CD1B: variants seen among roughly 807,000 people sequenced by gnomAD.
CD1B encodes CD1b molecule.
CD1B carries 43 observed loss-of-function variants against 39.8 expected under a neutral mutation model. That is an observed-to-expected ratio of 1.08 (90% CI 0.85 to 1.39). The LOEUF is 1.39. CD1B is among the 40% of genes most tolerant of loss of function. The pLI, the probability that CD1B is intolerant of heterozygous loss-of-function variation, is 0.00. For synonymous variants in CD1B, 192 were observed against 152.5 expected, an observed-to-expected ratio of 1.26 and a Z score of -1.91; for missense variants, 495 against 403.8, an observed-to-expected ratio of 1.23 and a Z score of -1.94.
the CD1B span, among the ~76,000 whole-genome samples, chr1:158,317,490 C>T: frequency 4.6e-5 from 7 of 152,088 alleles, no homozygotes; most frequent in East Asian, 1.9e-4. Context: ...TTTGTATTTC[C>T]GTGGGATCGG....
At chr1:158,318,622 G>T in the CD1B span, among the ~76,000 whole-genome samples, 1 of 152,046 alleles carries the variant, frequency 6.6e-6, no homozygotes, top group Non-Finnish European at 1.5e-5. Flanking sequence ...TATCCAATTT[G>T]CCAGTCTGTG....
the CD1B span, among the ~76,000 whole-genome samples, chr1:158,305,155 T>C: frequency 6.6e-6 from 1 of 151,954 alleles, no homozygotes; most frequent in African/African-American, 2.4e-5. Context: ...AAAGAGGAAG[T>C]TCGAACTCAT....
At chr1:158,297,286 G>A in the CD1B span, among the ~76,000 whole-genome samples, 1 of 152,278 alleles carries the variant, frequency 6.6e-6, no homozygotes. Context: ...AGAAGACATT[G>A]AGGGCCTATA....
chr1:158,299,013 C>G, the CD1B span, among the ~76,000 whole-genome samples: 1 of 152,162 alleles, frequency 6.6e-6, no homozygotes, highest in African/African-American at 2.4e-5. Flanking sequence ...TTATTTCTTT[C>G]TCTTGCCTGA....
the CD1B span, among the ~76,000 whole-genome samples, chr1:158,310,803 CA>C: frequency 6.6e-6 from 1 of 151,934 alleles, no homozygotes; most frequent in Non-Finnish European, 1.5e-5. Context: ...ATTAAAATGT[CA>C]AAAAAGTAAC....
chr1:158,323,508 GT>G (rs1341098449), downstream of CD1B, among the ~76,000 whole-genome samples: 1 of 152,120 alleles, frequency 6.6e-6, no homozygotes, highest in Non-Finnish European at 1.5e-5. Flanking sequence ...TGTTTTGTCT[GT>G]TTGGTGAGGT....
the CD1B span, among the ~76,000 whole-genome samples, chr1:158,301,971 T>C: frequency 6.6e-6 from 1 of 151,814 alleles, no homozygotes. Context: ...ATATGCAGAA[T>C]ACACCTGTCT....
At chr1:158,289,368 T>C in the CD1B span, among the ~76,000 whole-genome samples, 1 of 152,198 alleles carries the variant, frequency 6.6e-6, no homozygotes, top group Non-Finnish European at 1.5e-5. Flanking sequence ...TTTATATTTG[T>C]TATGGTCCTA....
chr1:158,328,961 G>T lies in CD1B; in HGVS notation c.940C>A (p.Leu314Ile). ...CATAATGCAAGGCATAGCAAAAGGA[G>T]CAAGGAAGGCACTATTATTGCCAAA... is the stretch of plus-strand genomic sequence containing the variant. Reference protein sequence around the residue: ...IVLAIIVPSLLLLLCLALWYM... With the variant: ...IVLAIIVPSLILLLCLALWYM... The change falls in exon 5 of 6, where the codon CTC (leucine) becomes ATC (isoleucine). Residue 314 changes from leucine (L) to isoleucine (I), a missense_variant. By Grantham distance (5) the Leu-to-Ile change is conservative. Coordinates refer to ENST00000368168, the MANE Select transcript of CD1B (RefSeq NM_001764.3). 5 of 1,613,758 alleles carry T rather than the reference G, an allele frequency of 3.1e-6. No homozygotes were observed. The highest frequency in any genetic ancestry group is 4.2e-6 in the Non-Finnish European group (5 of 1,179,904).
the CD1B span, among the ~76,000 whole-genome samples, chr1:158,305,365 G>A: frequency 6.6e-6 from 1 of 151,152 alleles, no homozygotes; most frequent in Admixed American, 6.6e-5. Context: ...ATGAAACGAA[G>A]TGAGAAGTTT....
downstream of CD1B, among the ~76,000 whole-genome samples, chr1:158,325,092 C>A (rs1475473376): frequency 4.0e-5 from 6 of 151,188 alleles, no homozygotes; most frequent in South Asian, 2.1e-4. Context: ...ACCTTGATTC[C>A]ATCAAGGTAA....
At chr1:158,293,175 T>G in the CD1B span, 1 of 1,495,054 alleles carries the variant, frequency 6.7e-7, no homozygotes, top group Non-Finnish European at 9.3e-7. Flanking sequence ...AGCAGTGAGT[T>G]TAAAATGGCA....
At chr1:158,306,017 C>G in the CD1B span, among the ~76,000 whole-genome samples, 1 of 152,174 alleles carries the variant, frequency 6.6e-6, no homozygotes, top group African/African-American at 2.4e-5. Flanking sequence ...GAAGAAACTG[C>G]ATCAACTAAT....
the CD1B span, among the ~76,000 whole-genome samples, chr1:158,290,372 C>T: frequency 2.0e-5 from 3 of 152,188 alleles, no homozygotes; most frequent in South Asian, 2.1e-4. Flanking sequence ...CTCCATTTTC[C>T]GTTAAAACAA....
chr1:158,314,565 C>T, the CD1B span, among the ~76,000 whole-genome samples: 31 of 152,140 alleles, frequency 2.0e-4, no homozygotes, highest in South Asian at 6.2e-4. Context: ...AATCTTTCTA[C>T]TTTTTAAATG....
the CD1B span, among the ~76,000 whole-genome samples, chr1:158,316,827 G>A: frequency 1.8e-4 from 28 of 151,924 alleles, no homozygotes; most frequent in East Asian, 2.1e-3. Context: ...TTTGAAATAC[G>A]TCCCATCAAT....
the CD1B span, among the ~76,000 whole-genome samples, chr1:158,322,423 T>C: frequency 6.7e-6 from 1 of 148,858 alleles, no homozygotes; most frequent in Non-Finnish European, 1.5e-5. Context: ...TTCTGTTTTT[T>C]TTTTTTTGTG....
At chr1:158,296,121 T>G in the CD1B span, among the ~76,000 whole-genome samples, 1 of 151,868 alleles carries the variant, frequency 6.6e-6, no homozygotes, top group Non-Finnish European at 1.5e-5. Context: ...AGTACATGCA[T>G]GTGAGAGCAG....
chr1:158,329,675 G>A, intron 3 of CD1B, 27 bp from the exon 4 acceptor site: 1 of 1,608,932 alleles, frequency 6.2e-7, no homozygotes, highest in Non-Finnish European at 8.5e-7. Flanking sequence ...AAAAAAAAGT[G>A]TCATGTTATA....
Sources: allele counts gnomAD v4.1 joint callset (sites outside exome capture counted in the v4.1 genomes callset), GRCh38; gene constraint gnomAD v4.1.1; transcripts MANE v1.5; gene names NCBI Gene and HGNC (gene_info 2026-07-23, HGNC 2026-07-21).